CHRM3: variants seen among roughly 807,000 people sequenced by gnomAD.
The protein encoded by CHRM3 is muscarinic acetylcholine receptor M3.
Under a neutral mutation model 41.8 loss-of-function variants are expected in CHRM3, and 11 were observed. That is an observed-to-expected ratio of 0.26 (90% CI 0.17 to 0.44). CHRM3 has a LOEUF of 0.44. Among genes scored for constraint, CHRM3 ranks in the 20% least tolerant of loss-of-function variants. The pLI is 1.00. For synonymous variants in CHRM3, 297 were observed against 301.4 expected, an observed-to-expected ratio of 0.99 and a Z score of 0.15; for missense variants, 571 against 745.4, an observed-to-expected ratio of 0.77 and a Z score of 2.72.
Position 239,520,644 on chromosome 1 carries a change from TCTTTATTGCAATGCAGGAACAGCCCA to T in CHRM3, c.-421-24996_-421-24971del, listed in dbSNP as rs1397874998. On this transcript the variant is annotated intron_variant, in intron 2 of 6. Transcript: ENST00000676153. ...TTGTAAATTTCCAGTCTCAGGTAGT[TCTTTATTGCAATGCAGGAACAGCCCA>T]ATACAAACAGGTATAGCAGGTGTGT... 5.3e-5 allele frequency among the ~76,000 whole-genome samples: 8 copies of T among 152,178 alleles called. 1 individual carries two copies. The highest frequency in any genetic ancestry group is 4.1e-4 in the South Asian group (2 of 4,832).
chr1:239,423,864 G>A (rs1256533147), intron 1 of CHRM3, among the ~76,000 whole-genome samples: 2 of 151,864 alleles, frequency 1.3e-5, no homozygotes, highest in African/African-American at 4.8e-5. Flanking sequence ...GACCATCCTG[G>A]CTAACACGGT....
intron 1 of CHRM3, among the ~76,000 whole-genome samples, chr1:239,417,257 A>C (rs1661565294): frequency 6.6e-6 from 1 of 152,242 alleles, no homozygotes; most frequent in Non-Finnish European, 1.5e-5. Context: ...TTATGAAATG[A>C]AATTCATAGA....
At chr1:239,408,952 C>T (rs1187041861) in intron 1 of CHRM3, among the ~76,000 whole-genome samples, 1 of 152,110 alleles carries the variant, frequency 6.6e-6, no homozygotes, top group African/African-American at 2.4e-5. Context: ...CCACAAGACA[C>T]TTCACTTTTT....
chr1:239,556,848 A>G (rs1424374823), intron 3 of CHRM3, among the ~76,000 whole-genome samples: 1 of 152,220 alleles, frequency 6.6e-6, no homozygotes, highest in Admixed American at 6.5e-5. Context: ...TAGGAGAGTC[A>G]CACAAAGCAG....
At chr1:239,775,114 T>C (rs1451059404) in intron 5 of CHRM3, among the ~76,000 whole-genome samples, 2 of 152,182 alleles carry the variant, frequency 1.3e-5, no homozygotes, top group Non-Finnish European at 2.9e-5. Context: ...ATAGTCTGTC[T>C]TATCTAACTT....
chr1:239,619,297 A>G (rs1668090095), intron 3 of CHRM3, among the ~76,000 whole-genome samples: 1 of 152,170 alleles, frequency 6.6e-6, no homozygotes, highest in South Asian at 2.1e-4. Context: ...GCTGTGCATG[A>G]AAAGACCAAG....
rs117817656 is a variant in CHRM3, at chr1:239,908,609, G to C, written c.1158G>C (p.Ser386=). The change falls in exon 7 of 7, where the codon TCG becomes TCC. Residue 386 remains serine, a synonymous_variant. Transcript: ENST00000676153. The surrounding 1 kb of genome is among the most constrained non-coding windows in gnomAD (Gnocchi z 7.2). ...TCAACTCCACCAAGTTACCCTCATC[G>C]GACAACCTGCAGGTGCCTGAGGAGG... The part of the protein sequence containing the change: ...TILNSTKLPS[S]DNLQVPEEEL... 3 of 1,606,138 alleles carry C rather than the reference G, an allele frequency of 1.9e-6. No individual in the cohort carries two copies. In the Admixed American group the frequency reaches 5.1e-5, roughly 27 times the overall value.
chr1:239,418,172 A>T (rs950242845), intron 1 of CHRM3, among the ~76,000 whole-genome samples: 6 of 152,346 alleles, frequency 3.9e-5, no homozygotes, highest in African/African-American at 1.4e-4. Context: ...GTCAGATAGC[A>T]TGTGGCCTTC....
intron 6 of CHRM3, among the ~76,000 whole-genome samples, chr1:239,857,893 T>C (rs1225686134): frequency 2.0e-5 from 3 of 152,232 alleles, no homozygotes; most frequent in Admixed American, 6.5e-5. Flanking sequence ...CTTAGACATC[T>C]TATGTTCTGT....
chr1:239,774,329 G>A (rs76320467), intron 5 of CHRM3, among the ~76,000 whole-genome samples: 3,626 of 152,168 alleles, frequency 0.024, 61 homozygotes, highest in South Asian at 0.067. Flanking sequence ...TTTAATAGTC[G>A]TAGTAGGAAT....
intron 3 of CHRM3, among the ~76,000 whole-genome samples, chr1:239,568,523 C>T (rs1206071659): frequency 6.6e-6 from 1 of 152,102 alleles, no homozygotes; most frequent in Non-Finnish European, 1.5e-5. Flanking sequence ...TACCCAGTCT[C>T]GGGTATGCCG....
chr1:239,551,144 CTTTTTTTTTTTTTTT>C (rs1157407521), intron 3 of CHRM3, among the ~76,000 whole-genome samples: 1 of 60,350 alleles, frequency 1.7e-5, no homozygotes, highest in Non-Finnish European at 3.0e-5. Flanking sequence ...TGTTACCATT[CTTTTTTTTTTTTTTT>C]TTTTTTTTTT....
chr1:239,892,059 A>G (rs1412228969), intron 6 of CHRM3, among the ~76,000 whole-genome samples: 1 of 152,150 alleles, frequency 6.6e-6, no homozygotes, highest in Non-Finnish European at 1.5e-5. Flanking sequence ...GCTTACACAC[A>G]CTTTTGGTAT....
chr1:239,812,069 T>A (rs1429828721), intron 5 of CHRM3, among the ~76,000 whole-genome samples: 2 of 152,194 alleles, frequency 1.3e-5, no homozygotes, highest in African/African-American at 4.8e-5. Flanking sequence ...AGACAGAATC[T>A]CCCTTTGTCA....
chr1:239,514,660 G>T (rs1256940330), intron 2 of CHRM3, among the ~76,000 whole-genome samples: 1 of 152,076 alleles, frequency 6.6e-6, no homozygotes, highest in Non-Finnish European at 1.5e-5. Context: ...TGTTGAAAAA[G>T]AGTAGTAGGA....
intron 5 of CHRM3, among the ~76,000 whole-genome samples, chr1:239,824,633 C>A (rs548202382): frequency 3.3e-5 from 5 of 152,270 alleles, no homozygotes; most frequent in African/African-American, 9.6e-5. Flanking sequence ...ATTATCTTAA[C>A]AAGAAAATAC....
chr1:239,404,722 A>ATATAT (rs1288046443), intron 1 of CHRM3, among the ~76,000 whole-genome samples: 3 of 43,050 alleles, frequency 7.0e-5, no homozygotes, highest in Admixed American at 2.8e-4. Context: ...ATATCTAAAT[A>ATATAT]TATATATATA....
chr1:239,596,061 G>A (rs1286363585), intron 3 of CHRM3, among the ~76,000 whole-genome samples: 1 of 152,104 alleles, frequency 6.6e-6, no homozygotes, highest in Non-Finnish European at 1.5e-5. Context: ...AAAAGTTAAA[G>A]TTTGAGCAAT....
chr1:239,409,365 G>A (rs1209867884), intron 1 of CHRM3, among the ~76,000 whole-genome samples: 1 of 152,202 alleles, frequency 6.6e-6, no homozygotes, highest in African/African-American at 2.4e-5. Context: ...GTATTCTGAA[G>A]TTGGTTGTGT....
Sources: gnomAD v4.1 joint callset for allele counts (sites outside exome capture counted in the v4.1 genomes callset) on GRCh38, gnomAD v4.1.1 for gene constraint, Gnocchi (gnomAD v3.1) non-coding constraint, MANE v1.5 for transcripts, NCBI Gene and HGNC (gene_info 2026-07-23, HGNC 2026-07-21) for gene names.